The following TOX2 variants were observed in gnomAD, a reference collection of about 807,000 sequenced individuals.
TOX2 encodes TOX high mobility group box family member 2.
Under a neutral mutation model 47.4 loss-of-function variants are expected in TOX2, and 15 were observed. The observed-to-expected ratio is 0.32, with a 90% confidence interval of 0.21 to 0.49. TOX2 has a LOEUF of 0.49. Ranked by LOEUF, TOX2 falls within the 20% of genes least tolerant of loss-of-function variation. TOX2 has a pLI of 0.99. For synonymous variants in TOX2, 290 were observed against 296.6 expected, an observed-to-expected ratio of 0.98 and a Z score of 0.23; for missense variants, 622 against 673.1, an observed-to-expected ratio of 0.92 and a Z score of 0.84.
intron 1 of TOX2, among the ~76,000 whole-genome samples, chr20:43,962,205 G>A (rs1157106374): frequency 6.6e-6 from 1 of 152,244 alleles, no homozygotes; most frequent in Non-Finnish European, 1.5e-5. Context: ...AGGGAAGGAA[G>A]AAATACAGGC....
intron 1 of TOX2, among the ~76,000 whole-genome samples, chr20:43,923,105 A>G (rs1568999231): frequency 6.6e-6 from 1 of 152,032 alleles, no homozygotes; most frequent in Non-Finnish European, 1.5e-5. Flanking sequence ...GGGAGCAGCC[A>G]TTGTAGGGGT....
intron 1 of TOX2, among the ~76,000 whole-genome samples, chr20:43,971,927 T>C (rs191262739): frequency 1.3e-5 from 2 of 152,350 alleles, no homozygotes; most frequent in African/African-American, 4.8e-5. Context: ...AGACGTTGCC[T>C]CTGGAGAGGG....
chr20:43,916,013 C>T lies in TOX2; in HGVS notation c.99+1023C>T, dbSNP rs2069051125. 1 of 653,864 alleles carries T rather than the reference C, an allele frequency of 1.5e-6. No homozygotes were observed. Among genetic ancestry groups the T allele is most frequent in the Non-Finnish European group, 1.9e-6 (1 of 527,026 alleles). The allele number at this position is 653,864 out of a possible 1,614,324, so 40.5% of individuals were successfully genotyped here. A position where few individuals can be genotyped will look rare whatever the true frequency, so the allele number is the denominator to read the frequency against. On this transcript the variant is annotated intron_variant, in intron 1 of 8. Transcript: ENST00000341197. This position sits in a 1 kb window ranked among gnomAD's most constrained non-coding sequence, Gnocchi z 5.0. The stretch of plus-strand genomic sequence containing the variant: ...TTGGGTGCCTCTAAGCAGTCCGCGT[C>T]CCCTTCGGTCGCCGGAGAGGGAACT...
In TOX2 at chr20:43,915,927, C is replaced by T. The variant is rs1293353336; in HGVS notation, c.99+937C>T. Among the ~76,000 whole-genome samples, 1 of 152,268 alleles carries T rather than the reference C, an allele frequency of 6.6e-6. No individual in the cohort carries two copies. Among genetic ancestry groups the T allele is most frequent in the Non-Finnish European group, 1.5e-5 (1 of 68,046 alleles). ...ATTCCCAGTGATGGAGGCTTGCGTG[C>T]CTGGAACCCCGAACCCGAGGCGTCA... On this transcript the variant is annotated intron_variant, in intron 1 of 8. Coordinates refer to ENST00000341197, the MANE Select transcript of TOX2 (RefSeq NM_001098797.2). This position sits in a 1 kb window ranked among gnomAD's most constrained non-coding sequence, Gnocchi z 7.1.
At chr20:43,955,320 G>A in intron 1 of TOX2, 2 of 984,808 alleles carry the variant, frequency 2.0e-6, no homozygotes, top group African/African-American at 3.5e-5. Flanking sequence ...GGCCCATGGG[G>A]GCCTCTGGCA....
At chr20:43,935,564 TA>T (rs549604615) in intron 1 of TOX2, among the ~76,000 whole-genome samples, 217 of 152,328 alleles carry the variant, frequency 1.4e-3, no homozygotes, top group African/African-American at 4.9e-3. Flanking sequence ...GTATTACTAT[TA>T]ACCATGTCAC....
chr20:43,971,476 G>A (rs1313225056), intron 1 of TOX2, among the ~76,000 whole-genome samples: 1 of 152,222 alleles, frequency 6.6e-6, no homozygotes, highest in African/African-American at 2.4e-5. Flanking sequence ...GAAGGCGGCT[G>A]GGTAAACAGA....
intron 3 of TOX2, among the ~76,000 whole-genome samples, chr20:44,010,257 A>G (rs974315182): frequency 1.3e-5 from 2 of 152,178 alleles, no homozygotes; most frequent in South Asian, 2.1e-4. Flanking sequence ...CTTTTTGTCA[A>G]AGATGGCCCC....
Position 44,056,206 on chromosome 20 carries a change from C to T in TOX2, c.879+1680C>T, listed in dbSNP as rs2071612699. Among the ~76,000 whole-genome samples, 6 of 152,286 alleles carry T rather than the reference C, an allele frequency of 3.9e-5. No homozygotes were observed. The Middle Eastern group carries it at 0.01, about 259-fold the overall frequency. On this transcript the variant is annotated intron_variant, in intron 5 of 8. Transcript: ENST00000341197. ...GACATTACTTCTGCAGCACCCCTGG[C>T]CTGCTACACATGCCAGGCTCCTGCC...
At chr20:43,935,927 CAAAAAAAAAAAAA>C (rs58300627) in intron 1 of TOX2, among the ~76,000 whole-genome samples, 7 of 72,032 alleles carry the variant, frequency 9.7e-5, no homozygotes, top group Admixed American at 3.6e-4. Flanking sequence ...AACTCCATCC[CAAAAAAAAAAAAA>C]AAAAAAAAAA....
chr20:43,935,696 T>C (rs6017220), intron 1 of TOX2, among the ~76,000 whole-genome samples: 42,862 of 151,596 alleles, frequency 0.28, 9,979 homozygotes, highest in African/African-American at 0.62. Context: ...GAGGCCGAGG[T>C]GGGTGGATCA....
intron 5 of TOX2, among the ~76,000 whole-genome samples, chr20:44,055,332 G>C (rs983143856): frequency 6.6e-6 from 1 of 152,236 alleles, no homozygotes; most frequent in Non-Finnish European, 1.5e-5. Flanking sequence ...GTTCATGAGA[G>C]TGGAAAGAGC....
intron 1 of TOX2, among the ~76,000 whole-genome samples, chr20:43,922,705 C>T (rs2069124220): frequency 6.6e-6 from 1 of 152,050 alleles, no homozygotes; most frequent in Non-Finnish European, 1.5e-5. Flanking sequence ...GATCAATTTC[C>T]CTGATATTTA....
At chr20:43,986,532 C>G (rs2070268861) in intron 2 of TOX2, among the ~76,000 whole-genome samples, 1 of 151,950 alleles carries the variant, frequency 6.6e-6, no homozygotes, top group Non-Finnish European at 1.5e-5. Context: ...TCTGCCCACC[C>G]CAGCCTCCCA....
intron 2 of TOX2, among the ~76,000 whole-genome samples, chr20:43,978,404 C>T (rs1318558851): frequency 6.6e-6 from 1 of 152,188 alleles, no homozygotes; most frequent in Non-Finnish European, 1.5e-5. Context: ...TCACAGGCAT[C>T]CCCATCTCAG....
chr20:43,963,827 G>C (rs2069803736), intron 1 of TOX2, among the ~76,000 whole-genome samples: 1 of 152,006 alleles, frequency 6.6e-6, no homozygotes, highest in African/African-American at 2.4e-5. Context: ...ACATACAGTG[G>C]GCACAGGCAT....
chr20:44,027,806 G>A (rs957123421), intron 3 of TOX2, among the ~76,000 whole-genome samples: 16 of 152,308 alleles, frequency 1.1e-4, no homozygotes, highest in Admixed American at 3.9e-4. Flanking sequence ...GACAAGCAGA[G>A]GCTTGGAGAA....
intron 2 of TOX2, among the ~76,000 whole-genome samples, chr20:43,984,642 G>C (rs147231195): frequency 3.9e-5 from 6 of 152,320 alleles, no homozygotes; most frequent in South Asian, 2.1e-4. Flanking sequence ...GGGAATGGAT[G>C]GGGGGAGGAC....
intron 2 of TOX2, among the ~76,000 whole-genome samples, chr20:43,990,175 A>T (rs2070344344): frequency 6.6e-6 from 1 of 152,222 alleles, no homozygotes; most frequent in African/African-American, 2.4e-5. Context: ...TAGGATAAGG[A>T]TACCTCTACA....
Sources: gnomAD v4.1 joint callset for allele counts (sites outside exome capture counted in the v4.1 genomes callset) on GRCh38, gnomAD v4.1.1 for gene constraint, Gnocchi (gnomAD v3.1) non-coding constraint, MANE v1.5 for transcripts, NCBI Gene and HGNC (gene_info 2026-07-23, HGNC 2026-07-21) for gene names.